Variants in NRG1 observed in about 807,000 individuals in gnomAD.
The protein encoded by NRG1 is neuregulin 1, also known as pro-neuregulin-1, membrane-bound isoform.
NRG1 carries 18 observed loss-of-function variants against 63.8 expected under a neutral mutation model. The observed-to-expected ratio is 0.28, with a 90% CI of 0.19 to 0.42. NRG1 has a LOEUF of 0.42. Ranked by LOEUF, NRG1 falls within the 10% of genes least tolerant of loss-of-function variation. The pLI is 1.00. For missense variants in NRG1, 762 were observed against 814.7 expected (o/e 0.94, Z 0.79); for synonymous variants, 302 against 301.3 (o/e 1.00, Z -0.02).
chr8:32,266,548 G>C (rs999781187), intron 1 of NRG1, among the ~76,000 whole-genome samples: 4 of 152,130 alleles, frequency 2.6e-5, no homozygotes, highest in Non-Finnish European at 5.9e-5. Context: ...AGAAGAGGAA[G>C]GGATGTCAGC....
At chr8:32,441,197 C>T (rs1272172612) in intron 1 of NRG1, 1 of 152,062 alleles carries the variant, frequency 6.6e-6, no homozygotes, top group Non-Finnish European at 1.5e-5. Flanking sequence ...GGCACTTTCC[C>T]TGATAGTTTT....
At chr8:32,381,980 C>T (rs529069676) in intron 1 of NRG1, among the ~76,000 whole-genome samples, 2 of 152,146 alleles carry the variant, frequency 1.3e-5, no homozygotes, top group African/African-American at 4.8e-5. Flanking sequence ...AGAGTTTGAA[C>T]TATTATATGG....
chr8:32,261,774 TG>T, intron 1 of NRG1, among the ~76,000 whole-genome samples: 1 of 152,334 alleles, frequency 6.6e-6, no homozygotes, highest in Middle Eastern at 3.4e-3. Context: ...TACCCTAATT[TG>T]GGACTTATAT....
At chr8:31,850,366 C>T (rs1827094625) in intron 1 of NRG1, among the ~76,000 whole-genome samples, 1 of 152,130 alleles carries the variant, frequency 6.6e-6, no homozygotes, top group African/African-American at 2.4e-5. Flanking sequence ...GTCCCTACTC[C>T]TTGGTCAGAG....
At chr8:32,746,867 CTTTTT>C (rs376346951) in intron 7 of NRG1, among the ~76,000 whole-genome samples, 5 of 127,324 alleles carry the variant, frequency 3.9e-5, no homozygotes, top group Non-Finnish European at 3.3e-5. Flanking sequence ...GTGTATTCTG[CTTTTT>C]TTTTTTTTTT....
intron 1 of NRG1, among the ~76,000 whole-genome samples, chr8:31,688,451 A>G (rs1034081585): frequency 6.6e-6 from 1 of 152,184 alleles, no homozygotes; most frequent in Non-Finnish European, 1.5e-5. Flanking sequence ...CTCCAGAGCC[A>G]TGAGAATTGA....
At chr8:31,850,915 A>C (rs1347614220) in intron 1 of NRG1, among the ~76,000 whole-genome samples, 2 of 152,192 alleles carry the variant, frequency 1.3e-5, no homozygotes, top group African/African-American at 4.8e-5. Context: ...AAACCGGATT[A>C]GTGCTGCTTA....
intron 1 of NRG1, among the ~76,000 whole-genome samples, chr8:31,815,596 T>C (rs1166676318): frequency 6.6e-6 from 1 of 152,218 alleles, no homozygotes; most frequent in Admixed American, 6.5e-5. Flanking sequence ...TCGGTTCTTA[T>C]GGGTATATAC....
At chr8:31,907,752 A>G (rs776399) in intron 1 of NRG1, among the ~76,000 whole-genome samples, 69,435 of 151,944 alleles carry the variant, frequency 0.46, 16,281 homozygotes, top group East Asian at 0.71. Context: ...ATTAAACTCA[A>G]TCCCCCTTTA....
At chr8:32,026,042 A>G (rs1249883368) in intron 1 of NRG1, among the ~76,000 whole-genome samples, 3 of 148,676 alleles carry the variant, frequency 2.0e-5, no homozygotes, top group African/African-American at 7.4e-5. Context: ...GTTTACATTT[A>G]CTAAGTTTAG....
chr8:31,707,275 A>C (rs773316227), intron 1 of NRG1, among the ~76,000 whole-genome samples: 2 of 152,026 alleles, frequency 1.3e-5, no homozygotes, highest in Non-Finnish European at 2.9e-5. Flanking sequence ...TTTCCCACTG[A>C]TGTAAGATAT....
intron 6 of NRG1, among the ~76,000 whole-genome samples, chr8:32,731,511 C>T (rs914532661): frequency 1.3e-4 from 20 of 152,000 alleles, no homozygotes; most frequent in Admixed American, 1.2e-3. Context: ...ATAACTTCCC[C>T]CTCCTTTGAG....
intron 1 of NRG1, among the ~76,000 whole-genome samples, chr8:31,790,242 T>C (rs766629100): frequency 2.0e-5 from 3 of 152,172 alleles, no homozygotes; most frequent in Non-Finnish European, 4.4e-5. Flanking sequence ...AGAAAGGATA[T>C]GGGACCCTAA....
chr8:32,762,919 T>C (rs1309881768), intron 11 of NRG1, among the ~76,000 whole-genome samples: 1 of 152,136 alleles, frequency 6.6e-6, no homozygotes, highest in Non-Finnish European at 1.5e-5. Flanking sequence ...TGATAGAAGG[T>C]AACAGGGTAC....
intron 1 of NRG1, among the ~76,000 whole-genome samples, chr8:32,591,288 T>C (rs1842483160): frequency 2.0e-5 from 3 of 152,170 alleles, no homozygotes; most frequent in Non-Finnish European, 4.4e-5. Flanking sequence ...CCACATCTGA[T>C]GATTTTGGAA....
At chr8:31,981,852 A>G (rs1479689897) in intron 1 of NRG1, among the ~76,000 whole-genome samples, 1 of 152,070 alleles carries the variant, frequency 6.6e-6, no homozygotes, top group African/African-American at 2.4e-5. Flanking sequence ...TGGTGATAAT[A>G]GAGCCTAGAC....
chr8:32,532,973 G>A (rs1239385942), intron 1 of NRG1, among the ~76,000 whole-genome samples: 1 of 151,250 alleles, frequency 6.6e-6, no homozygotes, highest in Non-Finnish European at 1.5e-5. Context: ...TATGTTTTGG[G>A]ATTTTGTAGA....
chr8:32,286,277 C>T (rs935423300), intron 1 of NRG1, among the ~76,000 whole-genome samples: 1 of 152,088 alleles, frequency 6.6e-6, no homozygotes, highest in East Asian at 1.9e-4. Context: ...GTCAGCTGGG[C>T]GGTGCTGCAG....
chr8:32,019,239 C>T (rs1274116952), intron 1 of NRG1, among the ~76,000 whole-genome samples: 1 of 152,198 alleles, frequency 6.6e-6, no homozygotes, highest in African/African-American at 2.4e-5. Flanking sequence ...GCTGGGACTA[C>T]AGGTGCCTGC....
Sources: allele counts gnomAD v4.1 joint callset (sites outside exome capture counted in the v4.1 genomes callset), GRCh38; gene constraint gnomAD v4.1.1; transcripts MANE v1.5; gene names NCBI Gene and HGNC (gene_info 2026-07-23, HGNC 2026-07-21).